The following RANBP2 variants were observed in gnomAD, a reference collection of about 807,000 sequenced individuals.
The protein encoded by RANBP2 is RAN binding protein 2, also known as E3 SUMO-protein ligase RanBP2.
A neutral mutation model predicts 303.6 loss-of-function variants in RANBP2; 57 were observed. The ratio of observed to expected loss-of-function variants is 0.19; its 90% CI spans 0.15 to 0.23. The LOEUF is 0.23. Among genes scored for constraint, RANBP2 ranks in the 10% least tolerant of loss-of-function variants. The probability of loss-of-function intolerance (pLI) is 1.00; values close to 1 mark genes in which losing one functional copy is unlikely to be tolerated. For missense variants in RANBP2, 3,138 were observed against 3,780.8 expected, an observed-to-expected ratio of 0.83 and a Z score of 4.46; for synonymous variants, 1,167 against 1,301.5, an observed-to-expected ratio of 0.90 and a Z score of 2.23.
the RANBP2 span, among the ~76,000 whole-genome samples, chr2:109,379,263 G>A: frequency 6.6e-6 from 1 of 152,312 alleles, no homozygotes; most frequent in South Asian, 2.1e-4. Context: ...AAGGGTCAGA[G>A]GTTCCCCAGG....
chr2:109,167,258 A>T, the RANBP2 span, among the ~76,000 whole-genome samples: 39,735 of 152,128 alleles, frequency 0.26, 5,540 homozygotes, highest in East Asian at 0.45. Context: ...GTAGCTACCA[A>T]TTTATGTAGC....
intron 7 of RANBP2, 81 bp downstream of exon 7, chr2:108,740,762 A>G: frequency 6.3e-7 from 1 of 1,591,430 alleles, no homozygotes; most frequent in Non-Finnish European, 8.5e-7. Context: ...CTGGTATGTA[A>G]TGACAATATG....
chr2:109,710,551 C>T, the RANBP2 span, among the ~76,000 whole-genome samples: 11 of 152,308 alleles, frequency 7.2e-5, no homozygotes, highest in East Asian at 1.9e-4. Flanking sequence ...GCTGAAGGCT[C>T]ACCTCTGCGA....
chr2:109,247,855 T>C, the RANBP2 span, among the ~76,000 whole-genome samples: 2 of 152,172 alleles, frequency 1.3e-5, no homozygotes, highest in African/African-American at 2.4e-5. Context: ...CTCCACATGG[T>C]CTCTTATATC....
the RANBP2 span, among the ~76,000 whole-genome samples, chr2:109,557,467 G>A: frequency 6.6e-6 from 1 of 152,148 alleles, no homozygotes; most frequent in Non-Finnish European, 1.5e-5. Context: ...AAACATAGCT[G>A]AAAAGTAAAA....
chr2:108,910,987 G>C, the RANBP2 span: 1 of 1,614,174 alleles, frequency 6.2e-7, no homozygotes, highest in Non-Finnish European at 8.5e-7. Context: ...AGAACATGAT[G>C]ATGAGGACGA....
At position 108,763,986 on chromosome 2, in the gene RANBP2, A is replaced by G. The variant is rs373580006; in HGVS notation, c.3447A>G (p.Thr1149=). 5.0e-6 allele frequency: 8 copies of G among 1,613,978 alleles called. No homozygotes were observed. Among genetic ancestry groups the G allele is most frequent in the Non-Finnish European group, 5.9e-6 (7 of 1,179,900 alleles). ...KSVFGTPTLE[T]ANKNHETDGG... is the part of the protein sequence containing the mutation. ...TATTTGGAACACCCACTTTAGAGACAGCAAACAAGAATCATGAGACAGATG... is the reference window on the plus strand; with the variant it reads ...TATTTGGAACACCCACTTTAGAGACGGCAAACAAGAATCATGAGACAGATG... Residue 1149 remains threonine (T), a synonymous_variant, in exon 20 of 29, where the codon ACA becomes ACG. Coordinates refer to ENST00000283195, the MANE Select transcript of RANBP2 (RefSeq NM_006267.5).
the RANBP2 span, among the ~76,000 whole-genome samples, chr2:108,807,127 G>GA: frequency 6.6e-6 from 1 of 151,970 alleles, no homozygotes; most frequent in Non-Finnish European, 1.5e-5. Flanking sequence ...TGAGAATGAA[G>GA]AAAAAAACCC....
chr2:109,070,546 A>T, the RANBP2 span, among the ~76,000 whole-genome samples: 1 of 152,158 alleles, frequency 6.6e-6, no homozygotes, highest in Non-Finnish European at 1.5e-5. Flanking sequence ...CTGGTAGTTC[A>T]CATGAGATCT....
chr2:109,474,881 AGCAGGGAAG>A, the RANBP2 span, among the ~76,000 whole-genome samples: 1 of 152,262 alleles, frequency 6.6e-6, no homozygotes, highest in South Asian at 2.1e-4. Flanking sequence ...CTCCAGAGCC[AGCAGGGAAG>A]GGCAGCACCC....
chr2:108,977,143 GT>G, the RANBP2 span, among the ~76,000 whole-genome samples: 1 of 152,176 alleles, frequency 6.6e-6, no homozygotes, highest in African/African-American at 2.4e-5. Flanking sequence ...CCGGGCCTGG[GT>G]TTTCCTAGAT....
the RANBP2 span, among the ~76,000 whole-genome samples, chr2:108,926,230 G>A: frequency 6.6e-6 from 1 of 152,252 alleles, no homozygotes; most frequent in Non-Finnish European, 1.5e-5. Context: ...GCTACAGAGT[G>A]TCCGGTCCCT....
the RANBP2 span, among the ~76,000 whole-genome samples, chr2:108,978,201 T>C: frequency 6.6e-6 from 1 of 152,192 alleles, no homozygotes; most frequent in Non-Finnish European, 1.5e-5. Context: ...GGGATAGACG[T>C]GCATATCTTT....
At chr2:109,676,529 C>A in the RANBP2 span, among the ~76,000 whole-genome samples, 4 of 152,162 alleles carry the variant, frequency 2.6e-5, no homozygotes, top group African/African-American at 4.8e-5. Flanking sequence ...TTTGCCTGCA[C>A]CCTGAGATGA....
chr2:108,944,294 A>G, the RANBP2 span, among the ~76,000 whole-genome samples: 1 of 152,148 alleles, frequency 6.6e-6, no homozygotes, highest in African/African-American at 2.4e-5. Context: ...TTGTATTTTT[A>G]GTAGAGACGG....
the RANBP2 span, among the ~76,000 whole-genome samples, chr2:108,809,881 C>T: frequency 0.028 from 4,197 of 152,298 alleles, 74 homozygotes; most frequent in Middle Eastern, 0.082. Flanking sequence ...TATCTGCTCA[C>T]TGCAACCTCC....
At position 108,764,405 on chromosome 2, in the gene RANBP2, A is replaced by G. The variant is rs1676964190; in HGVS notation, c.3866A>G (p.Glu1289Gly). The G allele has an allele frequency of 6.2e-7, 1 of 1,613,924 alleles. No individual in the cohort carries two copies. Among genetic ancestry groups the G allele is most frequent in the African/African-American group, 1.3e-5 (1 of 74,924 alleles). Residue 1289 changes from glutamate (E) to glycine (G), a missense_variant, in exon 20 of 29, where the codon GAG becomes GGG. This residue lies in a region of RANBP2 where 72 missense variants were observed against 119.5 expected (regional missense o/e 0.60). Coordinates refer to ENST00000283195, the MANE Select transcript of RANBP2 (RefSeq NM_006267.5). ...CTTGCTATTAGGTTCAAAACTCCTG[A>G]GGAAGCAGCACTTTTTAAATGCAAG... ...EQLAIRFKTP[E>G]EAALFKCKFE...
the RANBP2 span, among the ~76,000 whole-genome samples, chr2:109,339,937 G>A: frequency 3.9e-5 from 6 of 152,198 alleles, no homozygotes; most frequent in African/African-American, 1.2e-4. Context: ...GGGGAGTGAG[G>A]AGGAGGCAGG....
At chr2:109,050,553 C>A in the RANBP2 span, among the ~76,000 whole-genome samples, 1 of 152,050 alleles carries the variant, frequency 6.6e-6, no homozygotes, top group South Asian at 2.1e-4. Flanking sequence ...CCATGTCCAG[C>A]CTTTTTTACT....
Sources: allele counts gnomAD v4.1 joint callset (sites outside exome capture counted in the v4.1 genomes callset), GRCh38; gene constraint gnomAD v4.1.1; regional missense constraint gnomAD v4.1.1; transcripts MANE v1.5; gene names NCBI Gene and HGNC (gene_info 2026-07-23, HGNC 2026-07-21).